RFX3: variants seen among roughly 807,000 people sequenced by gnomAD.
RFX3 encodes the protein transcription factor RFX3.
In RFX3, 14 loss-of-function variants were observed where a neutral mutation model predicts 98.6. That is an observed-to-expected ratio of 0.14 (90% CI 0.09 to 0.22). The LOEUF is 0.22. Ranked by LOEUF, RFX3 falls within the 10% of genes least tolerant of loss-of-function variation. The pLI is 1.00. For missense variants in RFX3, 639 were observed against 926.9 expected (o/e 0.69, Z 4.03); for synonymous variants, 383 against 328.4 (o/e 1.17, Z -1.80).
At chr9:3,284,786 T>C (rs1349305198) in intron 7 of RFX3, among the ~76,000 whole-genome samples, 1 of 151,786 alleles carries the variant, frequency 6.6e-6, no homozygotes, top group Non-Finnish European at 1.5e-5. Context: ...TCCTTTATTT[T>C]AGGTAAAATG....
At chr9:3,320,074 T>A (rs1473735014) in intron 4 of RFX3, among the ~76,000 whole-genome samples, 2 of 152,220 alleles carry the variant, frequency 1.3e-5, no homozygotes, top group African/African-American at 2.4e-5. Context: ...ACAATATTAA[T>A]ACTGGGCACA....
intron 1 of RFX3, among the ~76,000 whole-genome samples, chr9:3,451,887 T>A (rs1265252027): frequency 6.6e-6 from 1 of 152,094 alleles, no homozygotes; most frequent in Non-Finnish European, 1.5e-5. Context: ...AAGTTTGCTA[T>A]CTGGCTTACC....
intron 2 of RFX3, among the ~76,000 whole-genome samples, chr9:3,365,434 A>G (rs895723189): frequency 6.6e-6 from 1 of 152,210 alleles, no homozygotes; most frequent in Non-Finnish European, 1.5e-5. Context: ...CTTCATAAAG[A>G]CACCAACAAA....
At chr9:3,233,491 G>A (rs1330209520) in intron 15 of RFX3, among the ~76,000 whole-genome samples, 1 of 152,212 alleles carries the variant, frequency 6.6e-6, no homozygotes, top group East Asian at 1.9e-4. Context: ...AAACAACGCA[G>A]AGGAAGTTAG....
In RFX3 at chr9:3,300,881, T is replaced by C. The variant is rs1828568551; in HGVS notation, c.549+665A>G. On this transcript the variant is annotated intron_variant, in intron 5 of 16. Transcript: ENST00000617270. ...AAACTATCATCACCCTTCTTACACT[T>C]ACCAGTGTCATAGTGATATCTGCAT... Among the ~76,000 whole-genome samples the C allele has an allele frequency of 1.3e-5, 2 of 151,904 alleles. 1 individual carries two copies. The highest frequency in any genetic ancestry group is 4.1e-4 in the South Asian group (2 of 4,832).
At chr9:3,414,299 T>C (rs1842698212) in intron 1 of RFX3, among the ~76,000 whole-genome samples, 1 of 152,070 alleles carries the variant, frequency 6.6e-6, no homozygotes, top group Admixed American at 6.6e-5. Flanking sequence ...AAATTTGTGT[T>C]CCATATTTGA....
At chr9:3,347,139 G>A (rs1834524775) in intron 2 of RFX3, among the ~76,000 whole-genome samples, 1 of 152,034 alleles carries the variant, frequency 6.6e-6, no homozygotes, top group African/African-American at 2.4e-5. Context: ...TGGGCAACAC[G>A]GTGAAACCCC....
intron 1 of RFX3, among the ~76,000 whole-genome samples, chr9:3,440,898 T>C (rs2132682882): frequency 6.6e-6 from 1 of 152,238 alleles, no homozygotes; most frequent in South Asian, 2.1e-4. Context: ...AACACACCAA[T>C]GAAATGGAAT....
chr9:3,393,195 A>G (rs531079897), intron 2 of RFX3, among the ~76,000 whole-genome samples: 58 of 152,288 alleles, frequency 3.8e-4, no homozygotes, highest in African/African-American at 1.3e-3. Flanking sequence ...AAATGGAGGT[A>G]AATATCAGAA....
chr9:3,249,283 T>G (rs541547522), intron 14 of RFX3, among the ~76,000 whole-genome samples: 133 of 152,278 alleles, frequency 8.7e-4, no homozygotes, highest in Non-Finnish European at 8.4e-4. Context: ...TACATCAAAT[T>G]GTATGCATTC....
At chr9:3,494,015 C>T (rs548632095) in intron 1 of RFX3, among the ~76,000 whole-genome samples, 18 of 152,050 alleles carry the variant, frequency 1.2e-4, no homozygotes, top group African/African-American at 4.3e-4. Flanking sequence ...TTTTCTATAC[C>T]CCCATAATAC....
chr9:3,410,572 T>C (rs1842382871), intron 1 of RFX3, among the ~76,000 whole-genome samples: 1 of 152,094 alleles, frequency 6.6e-6, no homozygotes, highest in Admixed American at 6.5e-5. Flanking sequence ...CAAATAAGTG[T>C]AATTTTGGGG....
At chr9:3,326,698 G>A (rs1299973577) in intron 4 of RFX3, among the ~76,000 whole-genome samples, 1 of 152,132 alleles carries the variant, frequency 6.6e-6, no homozygotes, top group African/African-American at 2.4e-5. Flanking sequence ...GTATTCCATG[G>A]TGTATATGTA....
chr9:3,239,675 A>G (rs1819652183), intron 15 of RFX3, among the ~76,000 whole-genome samples: 1 of 152,228 alleles, frequency 6.6e-6, no homozygotes, highest in African/African-American at 2.4e-5. Flanking sequence ...CAAAAACAGG[A>G]GCATTTAACA....
At chr9:3,391,223 A>G (rs1840276385) in intron 2 of RFX3, among the ~76,000 whole-genome samples, 1 of 152,162 alleles carries the variant, frequency 6.6e-6, no homozygotes, top group African/African-American at 2.4e-5. Flanking sequence ...TGTCAGAGGA[A>G]TAGGAATTAT....
At chr9:3,355,259 C>A (rs1009701302) in intron 2 of RFX3, among the ~76,000 whole-genome samples, 2 of 151,746 alleles carry the variant, frequency 1.3e-5, no homozygotes, top group Non-Finnish European at 2.9e-5. Flanking sequence ...AGATTCATAT[C>A]CTAATTGTCA....
At chr9:3,519,726 C>T (rs760804998) in intron 1 of RFX3, among the ~76,000 whole-genome samples, 79 of 152,200 alleles carry the variant, frequency 5.2e-4, no homozygotes, top group Middle Eastern at 3.4e-3. Flanking sequence ...TTATTCTATC[C>T]ATCTATTTAA....
chr9:3,511,464 A>G (rs1817659713), intron 1 of RFX3, among the ~76,000 whole-genome samples: 1 of 152,022 alleles, frequency 6.6e-6, no homozygotes, highest in South Asian at 2.1e-4. Context: ...CCCTGAAGAT[A>G]CTAAACCACA....
At chr9:3,249,028 A>C (rs1442004419) in intron 14 of RFX3, among the ~76,000 whole-genome samples, 1 of 151,702 alleles carries the variant, frequency 6.6e-6, no homozygotes, top group Non-Finnish European at 1.5e-5. Flanking sequence ...AATCAGAGTG[A>C]TGTGTGTGTG....
Sources: allele counts gnomAD v4.1 joint callset (sites outside exome capture counted in the v4.1 genomes callset), GRCh38; gene constraint gnomAD v4.1.1; transcripts MANE v1.5; gene names NCBI Gene and HGNC (gene_info 2026-07-23, HGNC 2026-07-21).